The following FHIP2A variants were observed in gnomAD, a reference collection of about 807,000 sequenced individuals.
The protein encoded by FHIP2A is family with sequence similarity 160 member B1.
A neutral mutation model predicts 93.5 loss-of-function variants in FHIP2A; 46 were observed. That is an observed-to-expected ratio of 0.49 (90% CI 0.39 to 0.63). FHIP2A has a LOEUF of 0.63. Among genes scored for constraint, FHIP2A ranks in the 20% least tolerant of loss-of-function variants. FHIP2A has a pLI of 0.00. For synonymous variants in FHIP2A, 332 were observed against 326.5 expected, an observed-to-expected ratio of 1.02 and a Z score of -0.18; for missense variants, 769 against 909.7, an observed-to-expected ratio of 0.85 and a Z score of 1.99.
intron 16 of FHIP2A, among the ~76,000 whole-genome samples, chr10:114,889,660 A>G (rs2143015979): frequency 6.6e-6 from 1 of 152,232 alleles, no homozygotes; most frequent in Non-Finnish European, 1.5e-5. Context: ...AACTCAGACC[A>G]TCTTCTCAAT....
intron 16 of FHIP2A, among the ~76,000 whole-genome samples, chr10:114,885,119 G>C (rs1293201602): frequency 6.6e-6 from 1 of 151,948 alleles, no homozygotes; most frequent in African/African-American, 2.4e-5. Context: ...ACCCGGCCTG[G>C]CGAGGTGGCT....
intron 16 of FHIP2A, among the ~76,000 whole-genome samples, chr10:114,883,797 C>T (rs1475376954): frequency 6.6e-6 from 1 of 152,144 alleles, no homozygotes; most frequent in Non-Finnish European, 1.5e-5. Context: ...TCAGGCTGGT[C>T]TCGAACTCCC....
At chr10:114,866,591 A>G (rs906250164), downstream of FHIP2A, among the ~76,000 whole-genome samples, 1 of 152,228 alleles carries the variant, frequency 6.6e-6, no homozygotes, top group African/African-American at 2.4e-5. Context: ...TATTTAACAC[A>G]TATTTCTCAA....
At position 114,836,396 on chromosome 10, in the gene FHIP2A, AT is replaced by A. The variant is rs2083637193; in HGVS notation, c.522+154del. Reference sequence around the variant, plus strand: ...GAATTATTTTTCCTTTAATATCACTATTTTATTCTCCTGGGAGAAAAGAATT... The same window carrying A: ...GAATTATTTTTCCTTTAATATCACTATTTATTCTCCTGGGAGAAAAGAATT... On this transcript the variant is annotated intron_variant, in intron 5 of 16. Coordinates refer to ENST00000369248, the MANE Select transcript of FHIP2A (RefSeq NM_020940.4). The A allele has an allele frequency of 1.1e-5, 7 of 651,062 alleles. No homozygotes were observed. In the South Asian group the frequency reaches 1.9e-4, roughly 17 times the overall value. The allele number at this position is 651,062 out of a possible 1,614,324, so 40.3% of individuals were successfully genotyped here.
chr10:114,849,557 C>T lies in FHIP2A; in HGVS notation c.1803+820C>T, dbSNP rs17092493. On this transcript the variant is annotated intron_variant, in intron 13 of 16. Transcript: ENST00000369248. ...CTTTCCTCTTTATAGCATTTTACATCGTAAGATTTTAAAAATTGTATTAAA... is the reference window on the plus strand; with the variant it reads ...CTTTCCTCTTTATAGCATTTTACATTGTAAGATTTTAAAAATTGTATTAAA... Among the ~76,000 whole-genome samples the T allele has an allele frequency of 4.3e-3, 653 of 152,176 alleles. 7 individuals carry two copies. The highest frequency in any genetic ancestry group is 0.015 in the African/African-American group (618 of 41,514).
intron 2 of FHIP2A, among the ~76,000 whole-genome samples, 178 bp from the exon 3 acceptor site, chr10:114,833,055 C>T (rs1347482349): frequency 6.6e-6 from 1 of 152,054 alleles, no homozygotes; most frequent in South Asian, 2.1e-4. Context: ...AAGAATATGA[C>T]AAAATGCATC....
intron 16 of FHIP2A, among the ~76,000 whole-genome samples, chr10:114,878,770 C>A (rs1395045093): frequency 2.6e-5 from 3 of 115,856 alleles, no homozygotes; most frequent in Non-Finnish European, 5.6e-5. Context: ...ACAGAGACTT[C>A]GCCTCAAAAA....
chr10:114,837,924 T>A (rs1192893297), intron 5 of FHIP2A, among the ~76,000 whole-genome samples: 1 of 152,248 alleles, frequency 6.6e-6, no homozygotes. Flanking sequence ...AGTGAGGGAC[T>A]TCTGGGTTGT....
intron 1 of FHIP2A, among the ~76,000 whole-genome samples, chr10:114,824,967 C>T (rs1009305640): frequency 6.6e-6 from 1 of 152,104 alleles, no homozygotes; most frequent in African/African-American, 2.4e-5. Context: ...TGATTACTTT[C>T]CAGGTTTCCT....
intron 16 of FHIP2A, among the ~76,000 whole-genome samples, chr10:114,870,831 T>C (rs1456487359): frequency 6.6e-6 from 1 of 152,140 alleles, no homozygotes; most frequent in Non-Finnish European, 1.5e-5. Flanking sequence ...TACTGCTTTG[T>C]GTTGCTAGGC....
intron 7 of FHIP2A, 128 bp from the exon 8 acceptor site, chr10:114,845,239 C>A: frequency 1.9e-6 from 1 of 526,404 alleles, no homozygotes; most frequent in East Asian, 2.8e-5. Context: ...CACTGTCCTC[C>A]AGCATTTCCT....
intron 6 of FHIP2A, 49 bp downstream of exon 6, chr10:114,843,275 TG>T: frequency 5.2e-6 from 6 of 1,149,840 alleles, no homozygotes; most frequent in Non-Finnish European, 7.0e-6. Flanking sequence ...TTCAATAATG[TG>T]TATTTATTTA....
chr10:114,831,288 G>T (rs921760311), intron 2 of FHIP2A, among the ~76,000 whole-genome samples: 1 of 152,206 alleles, frequency 6.6e-6, no homozygotes, highest in Admixed American at 6.5e-5. Flanking sequence ...TAAAGAGTAC[G>T]TTGGGGTGGT....
chr10:114,839,153 A>C (rs1462812170), intron 5 of FHIP2A, among the ~76,000 whole-genome samples: 2 of 151,952 alleles, frequency 1.3e-5, no homozygotes, highest in Non-Finnish European at 2.9e-5. Flanking sequence ...TTTTTGAGAT[A>C]GTCTGACTGT....
At chr10:114,855,446 A>G (rs2083761508) in intron 14 of FHIP2A, 106 bp downstream of exon 14, 1 of 959,576 alleles carries the variant, frequency 1.0e-6, no homozygotes, top group South Asian at 2.0e-5. Flanking sequence ...TTGTTTTCTT[A>G]CTTTTTCCAC....
At chr10:114,852,688 G>A (rs1012299150) in intron 13 of FHIP2A, among the ~76,000 whole-genome samples, 1 of 152,150 alleles carries the variant, frequency 6.6e-6, no homozygotes, top group Non-Finnish European at 1.5e-5. Flanking sequence ...CTGCTTAGAA[G>A]CCATTAACAG....
At chr10:114,824,100 G>C (rs554029139) in intron 1 of FHIP2A, among the ~76,000 whole-genome samples, 1 of 152,264 alleles carries the variant, frequency 6.6e-6, no homozygotes, top group East Asian at 1.9e-4. Context: ...GTATGCATAG[G>C]TTATATGAAA....
At chr10:114,868,315 G>A (rs183047307), downstream of FHIP2A, among the ~76,000 whole-genome samples, 366 of 152,118 alleles carry the variant, frequency 2.4e-3, 6 homozygotes, top group Non-Finnish European at 1.9e-3. Flanking sequence ...TTCAATTCTC[G>A]TAGGAGCACC....
At position 114,864,152 on chromosome 10, in the gene FHIP2A, C is replaced by T. The variant is rs1223488370; in HGVS notation, c.*2612C>T. On this transcript the variant is annotated 3_prime_UTR_variant, in exon 17 of 17. Coordinates refer to ENST00000369248, the MANE Select transcript of FHIP2A (RefSeq NM_020940.4). ...TATATAAGGACCAAAATTCTTAGCT[C>T]GCTTACACTGTTGCTAGTGTAAACA... The T allele has an allele frequency of 3.1e-6, 3 of 978,808 alleles. No individual in the cohort carries two copies. The South Asian group carries it at 1.4e-4, about 46-fold the overall frequency. 60.6% of individuals were successfully genotyped at this position (978,808 alleles called of 1,614,324 possible).
Sources: gnomAD v4.1 joint callset for allele counts (sites outside exome capture counted in the v4.1 genomes callset) on GRCh38, gnomAD v4.1.1 for gene constraint, MANE v1.5 for transcripts, NCBI Gene and HGNC (gene_info 2026-07-23, HGNC 2026-07-21) for gene names.